The following CYREN variants were observed in gnomAD, a reference collection of about 807,000 sequenced individuals.
The protein encoded by CYREN is cell cycle regulator of non-homologous end joining.
In CYREN, 7 loss-of-function variants were observed where a neutral mutation model predicts 9.7. The observed-to-expected ratio is 0.72, with a 90% CI of 0.41 to 1.36. The LOEUF (loss-of-function observed/expected upper bound fraction) is 1.36, where lower values mean the gene tolerates loss of function less well. Ranked by LOEUF, CYREN falls within the 40% of genes most tolerant of loss-of-function variation. The pLI, the probability that CYREN is intolerant of heterozygous loss-of-function variation, is 0.01. For missense variants in CYREN, 215 were observed against 198.1 expected, an observed-to-expected ratio of 1.09 and a Z score of -0.51; for synonymous variants, 76 against 77.9, an observed-to-expected ratio of 0.98 and a Z score of 0.13.
intron 2 of CYREN, among the ~76,000 whole-genome samples, chr7:135,125,690 T>C (rs1425930180): frequency 6.6e-6 from 1 of 152,144 alleles, no homozygotes; most frequent in Non-Finnish European, 1.5e-5. Context: ...AAAAAACGTA[T>C]CCACCATGAT....
At chr7:135,160,936 G>A (rs572442981), downstream of CYREN, among the ~76,000 whole-genome samples, 1 of 152,306 alleles carries the variant, frequency 6.6e-6, no homozygotes, top group African/African-American at 2.4e-5. Flanking sequence ...GACTCTAGGA[G>A]CTGGGGGGTG....
At chr7:135,100,480 G>T (rs1258252183) in intron 2 of CYREN, among the ~76,000 whole-genome samples, 3 of 152,138 alleles carry the variant, frequency 2.0e-5, no homozygotes, top group Non-Finnish European at 4.4e-5. Context: ...GTAACCATAG[G>T]TAAGTATTTG....
At chr7:135,125,570 A>C (rs1827760235) in intron 2 of CYREN, among the ~76,000 whole-genome samples, 1 of 152,240 alleles carries the variant, frequency 6.6e-6, no homozygotes, top group South Asian at 2.1e-4. Flanking sequence ...TGATACCAAA[A>C]CCAGGAAGAG....
chr7:135,121,871 A>C (rs1289835444), intron 2 of CYREN, among the ~76,000 whole-genome samples: 1 of 152,178 alleles, frequency 6.6e-6, no homozygotes, highest in East Asian at 1.9e-4. Context: ...CAGCCGGGGA[A>C]ACCGTGCTTT....
intron 1 of CYREN, 176 bp from the exon 2 acceptor site, chr7:135,169,236 ACCTC>A (rs1011346423): frequency 1.4e-5 from 3 of 209,526 alleles, no homozygotes; most frequent in African/African-American, 7.0e-5. Context: ...GAGCCCTCTG[ACCTC>A]CCCAAAGCTG....
chr7:135,169,033 G>T lies in CYREN; in HGVS notation c.-111C>A. 1 of 1,019,804 alleles carries T rather than the reference G, an allele frequency of 9.8e-7. No homozygotes were observed. Among genetic ancestry groups the T allele is most frequent in the Non-Finnish European group, 1.4e-6 (1 of 711,658 alleles). 63.2% of individuals were successfully genotyped at this position (1,019,804 alleles called of 1,614,324 possible). A position where few individuals can be genotyped will look rare whatever the true frequency, so the allele number is the denominator to read the frequency against. ...CACACCCGGAATTACAGGTCCATTT[G>T]TCCTCAGTGGGAGTTGATCTTTGAT... is the stretch of plus-strand genomic sequence containing the variant. On this transcript the variant is annotated 5_prime_UTR_variant, in exon 2 of 4. Coordinates refer to ENST00000393114, the MANE Select transcript of CYREN (RefSeq NM_024033.4).
At chr7:135,096,733 G>GAGAAAGAAAGAAAGAA (rs1441379719) in intron 2 of CYREN, among the ~76,000 whole-genome samples, 1 of 51,150 alleles carries the variant, frequency 2.0e-5, no homozygotes, top group African/African-American at 7.6e-5. Context: ...AAGAAAGAAA[G>GAGAAAGAAAGAAAGAA]AGAAAGAATG....
At chr7:135,111,705 G>A (rs530289778) in intron 2 of CYREN, among the ~76,000 whole-genome samples, 2 of 152,114 alleles carry the variant, frequency 1.3e-5, no homozygotes, top group Non-Finnish European at 2.9e-5. Flanking sequence ...GAAACGTGTT[G>A]AAATATGTGA....
intron 2 of CYREN, among the ~76,000 whole-genome samples, chr7:135,153,415 CT>C (rs1195423049): frequency 4.2e-5 from 6 of 143,706 alleles, no homozygotes; most frequent in African/African-American, 1.6e-4. Context: ...GATCATGCCA[CT>C]GCACTCCAGC....
downstream of CYREN, among the ~76,000 whole-genome samples, chr7:135,162,506 G>C (rs1829969038): frequency 6.6e-6 from 1 of 152,234 alleles, no homozygotes; most frequent in Admixed American, 6.5e-5. Context: ...GTTCCACATG[G>C]TTAGGGAGGC....
chr7:135,093,312 C>G (rs995989559), exon 3 of CYREN: 1 of 151,898 alleles, frequency 6.6e-6, no homozygotes, highest in Non-Finnish European at 1.5e-5. Flanking sequence ...CACATACACA[C>G]GCCACACTAT....
intron 2 of CYREN, among the ~76,000 whole-genome samples, chr7:135,097,082 C>T (rs1396207829): frequency 6.6e-6 from 1 of 152,178 alleles, no homozygotes; most frequent in Non-Finnish European, 1.5e-5. Context: ...GGGCATACCA[C>T]CCAAATGAAT....
At chr7:135,115,266 A>G in intron 2 of CYREN, 1 of 631,998 alleles carries the variant, frequency 1.6e-6, no homozygotes, top group Non-Finnish European at 2.7e-6. Context: ...ATTAAAGTAC[A>G]AGCTTCAGAT....
chr7:135,111,862 CA>C (rs1825689692), intron 2 of CYREN, among the ~76,000 whole-genome samples: 1 of 152,180 alleles, frequency 6.6e-6, no homozygotes, highest in Admixed American at 6.6e-5. Flanking sequence ...TGACAACCAT[CA>C]TATTTTTTAA....
intron 2 of CYREN, among the ~76,000 whole-genome samples, chr7:135,146,370 T>C (rs1233753530): frequency 6.6e-6 from 1 of 152,004 alleles, no homozygotes; most frequent in Non-Finnish European, 1.5e-5. Flanking sequence ...ACCAACATAA[T>C]AATAATGAAA....
At chr7:135,100,221 A>C (rs1823621255) in intron 2 of CYREN, 1 of 151,942 alleles carries the variant, frequency 6.6e-6, no homozygotes, top group Admixed American at 6.6e-5. Context: ...TGGTGGCATA[A>C]GATAATTATC....
At chr7:135,131,441 A>G (rs1828755338) in intron 2 of CYREN, among the ~76,000 whole-genome samples, 1 of 137,608 alleles carries the variant, frequency 7.3e-6, no homozygotes, top group Non-Finnish European at 1.6e-5. Context: ...TTTTAGAAGA[A>G]ATAAAGGAAA....
intron 2 of CYREN, among the ~76,000 whole-genome samples, chr7:135,112,897 C>A (rs1244009516): frequency 6.6e-6 from 1 of 152,220 alleles, no homozygotes; most frequent in Non-Finnish European, 1.5e-5. Context: ...TCTGCCTCAG[C>A]CTCCTGAGTA....
intron 2 of CYREN, among the ~76,000 whole-genome samples, chr7:135,149,360 G>C (rs1366595689): frequency 6.6e-6 from 1 of 151,950 alleles, no homozygotes; most frequent in African/African-American, 2.4e-5. Context: ...ACACTATGTA[G>C]AGTGATTTTA....
Sources: allele counts gnomAD v4.1 joint callset (sites outside exome capture counted in the v4.1 genomes callset), GRCh38; gene constraint gnomAD v4.1.1; transcripts MANE v1.5; gene names NCBI Gene and HGNC (gene_info 2026-07-23, HGNC 2026-07-21).